CAB39L: variants seen among roughly 807,000 people sequenced by gnomAD.
CAB39L encodes the protein calcium binding protein 39 like, also known as calcium-binding protein 39-like.
CAB39L carries 23 observed loss-of-function variants against 39.1 expected under a neutral mutation model. The observed-to-expected ratio is 0.59, with a 90% CI of 0.42 to 0.83. CAB39L has a LOEUF of 0.83. CAB39L is among the 40% of genes least tolerant of loss of function. The probability of loss-of-function intolerance (pLI) is 0.00; values close to 1 mark genes in which losing one functional copy is unlikely to be tolerated. For synonymous variants in CAB39L, 126 were observed against 137.2 expected (o/e 0.92, Z 0.57); for missense variants, 366 against 391.9 (o/e 0.93, Z 0.56).
chr13:49,327,314 G>GT (rs1367348389), intron 10 of CAB39L, among the ~76,000 whole-genome samples: 2 of 151,908 alleles, frequency 1.3e-5, no homozygotes, highest in Non-Finnish European at 2.9e-5. Flanking sequence ...AATTTTGTTT[G>GT]TTTTTTTGAG....
intron 3 of CAB39L, among the ~76,000 whole-genome samples, chr13:49,425,587 A>G (rs1957233396): frequency 6.6e-6 from 1 of 152,224 alleles, no homozygotes; most frequent in Non-Finnish European, 1.5e-5. Flanking sequence ...ACAGGCACAA[A>G]GCTAAAAATA....
At chr13:49,380,669 T>C (rs950258465) in intron 4 of CAB39L, among the ~76,000 whole-genome samples, 2 of 152,154 alleles carry the variant, frequency 1.3e-5, no homozygotes, top group Non-Finnish European at 2.9e-5. Flanking sequence ...ATTTTTAATA[T>C]CTCAATTTAA....
At chr13:49,339,870 G>A in intron 8 of CAB39L, 128 bp from the exon 9 acceptor site, 1 of 1,138,056 alleles carries the variant, frequency 8.8e-7, no homozygotes, top group Non-Finnish European at 1.1e-6. Flanking sequence ...CTTTACATGT[G>A]AAGACACTGG....
intron 3 of CAB39L, among the ~76,000 whole-genome samples, chr13:49,399,240 T>C (rs1017949457): frequency 1.3e-5 from 2 of 152,004 alleles, no homozygotes; most frequent in South Asian, 2.1e-4. Flanking sequence ...ACAAACTCAA[T>C]GGCCAGAAAT....
intron 8 of CAB39L, among the ~76,000 whole-genome samples, chr13:49,342,198 T>A (rs892404737): frequency 1.5e-4 from 23 of 152,302 alleles, no homozygotes; most frequent in Non-Finnish European, 3.2e-4. Context: ...CCTTGAGGAC[T>A]ATTATTAATA....
Position 49,407,861 on chromosome 13 carries a change from CA to C in CAB39L, c.-31-24921del, listed in dbSNP as rs35392956. 1.1e-3 allele frequency among the ~76,000 whole-genome samples: 130 copies of C among 114,054 alleles called. 2 individuals carry two copies. The highest frequency in any genetic ancestry group is 6.7e-3 in the East Asian group (25 of 3,744). The allele number at this position is 114,054 out of a possible 152,430, so 74.8% of individuals were successfully genotyped here. On this transcript the variant is annotated intron_variant, in intron 3 of 10. Coordinates refer to ENST00000409308, the MANE Select transcript of CAB39L (RefSeq NM_001079670.3). The stretch of plus-strand genomic sequence containing the variant: ...TGAGCAACATAGCAAGACCCCGTCT[CA>C]AAAAAAAAAAAAAAAATAGAAGAAA...
chr13:49,418,295 A>G (rs903384594), intron 3 of CAB39L, among the ~76,000 whole-genome samples: 1 of 152,236 alleles, frequency 6.6e-6, no homozygotes, highest in African/African-American at 2.4e-5. Flanking sequence ...CACATATTGT[A>G]TGATTCCATT....
chr13:49,399,399 T>C (rs1381854152), intron 3 of CAB39L, among the ~76,000 whole-genome samples: 2 of 152,152 alleles, frequency 1.3e-5, no homozygotes, highest in Non-Finnish European at 2.9e-5. Context: ...AACTTGCTTT[T>C]CTTTAAGCAT....
At chr13:49,358,298 CATA>C (rs1312742282) in intron 6 of CAB39L, among the ~76,000 whole-genome samples, 2 of 152,040 alleles carry the variant, frequency 1.3e-5, no homozygotes, top group Non-Finnish European at 2.9e-5. Flanking sequence ...ACTGTGCAAT[CATA>C]ATAATCTAAA....
At chr13:49,419,929 T>G (rs1243291306) in intron 3 of CAB39L, among the ~76,000 whole-genome samples, 2 of 152,206 alleles carry the variant, frequency 1.3e-5, no homozygotes, top group Admixed American at 6.5e-5. Context: ...ATCCCAGTAC[T>G]TAAGTCAAAA....
At chr13:49,423,282 G>A (rs891753747) in intron 3 of CAB39L, among the ~76,000 whole-genome samples, 2 of 152,200 alleles carry the variant, frequency 1.3e-5, no homozygotes, top group Non-Finnish European at 2.9e-5. Context: ...GATTCTGCTG[G>A]TCCAATGACC....
intron 3 of CAB39L, among the ~76,000 whole-genome samples, chr13:49,385,411 G>GT (rs1472492497): frequency 6.6e-6 from 1 of 152,210 alleles, no homozygotes; most frequent in East Asian, 1.9e-4. Flanking sequence ...AACTGTCTTC[G>GT]TATTAACAAT....
intron 3 of CAB39L, among the ~76,000 whole-genome samples, chr13:49,390,454 G>C (rs1282794065): frequency 6.6e-6 from 1 of 152,124 alleles, no homozygotes; most frequent in African/African-American, 2.4e-5. Flanking sequence ...AGTCATATCA[G>C]CTGCCAATAC....
intron 3 of CAB39L, among the ~76,000 whole-genome samples, chr13:49,414,517 A>C (rs1482850356): frequency 2.0e-5 from 3 of 152,204 alleles, no homozygotes; most frequent in African/African-American, 4.8e-5. Context: ...CAGTTGAATA[A>C]ATTATGTTAT....
At chr13:49,337,732 GCACACACACACACA>G (rs57089737) in intron 9 of CAB39L, among the ~76,000 whole-genome samples, 18 of 144,212 alleles carry the variant, frequency 1.2e-4, no homozygotes, top group Non-Finnish European at 2.3e-4. Flanking sequence ...CTGCTCTGGC[GCACACACACACACA>G]CACACACACA....
intron 10 of CAB39L, among the ~76,000 whole-genome samples, chr13:49,312,820 C>A (rs1263366693): frequency 6.6e-6 from 1 of 152,174 alleles, no homozygotes; most frequent in African/African-American, 2.4e-5. Flanking sequence ...CATAACAAAT[C>A]CAGTATACGT....
At chr13:49,418,753 G>A (rs934707063) in intron 3 of CAB39L, among the ~76,000 whole-genome samples, 1 of 151,870 alleles carries the variant, frequency 6.6e-6, no homozygotes, top group Admixed American at 6.6e-5. Flanking sequence ...ACAGCCCGGG[G>A]TTTCACCATG....
chr13:49,373,901 G>A (rs1019534686), intron 5 of CAB39L, among the ~76,000 whole-genome samples: 2 of 152,170 alleles, frequency 1.3e-5, no homozygotes, highest in African/African-American at 2.4e-5. Context: ...GCTTGAGAAG[G>A]AGAGTTGCTG....
rs1274951816 is a variant in CAB39L at position 49,329,539 on chromosome 13, AAAAAAATATATATATATATAT to A, written c.834+2387_834+2407del. 4.1e-4 allele frequency among the ~76,000 whole-genome samples: 15 copies of A among 36,244 alleles called. 1 individual carries two copies. The highest frequency in any genetic ancestry group is 1.9e-3 in the African/African-American group (12 of 6,188). 23.8% of individuals were successfully genotyped at this position (36,244 alleles called of 152,430 possible). A position where few individuals can be genotyped will look rare whatever the true frequency, so the allele number is the denominator to read the frequency against. On this transcript the variant is annotated intron_variant, in intron 10 of 10. Transcript: ENST00000409308. ...GTCCTACATATCTCTTCAATTAAAA[AAAAAAATATATATATATATAT>A]ATATATATATATATATATATATATA...
Sources: allele counts gnomAD v4.1 joint callset (sites outside exome capture counted in the v4.1 genomes callset), GRCh38; gene constraint gnomAD v4.1.1; transcripts MANE v1.5; gene names NCBI Gene and HGNC (gene_info 2026-07-23, HGNC 2026-07-21).